Variants in MCC observed in about 807,000 individuals in gnomAD.
The protein encoded by MCC is MCC regulator of Wnt signaling pathway.
In MCC, 90 loss-of-function variants were observed where a neutral mutation model predicts 116.2. That is an observed-to-expected ratio of 0.77 (90% confidence interval 0.65 to 0.92). MCC has a LOEUF of 0.92. Ranked by LOEUF, MCC falls within the 40% of genes least tolerant of loss-of-function variation. The probability of loss-of-function intolerance (pLI) is 0.00; values close to 1 mark genes in which losing one functional copy is unlikely to be tolerated. For missense variants in MCC, 1,516 were observed against 1,312.2 expected, an observed-to-expected ratio of 1.16 and a Z score of -2.40; for synonymous variants, 578 against 510.5, an observed-to-expected ratio of 1.13 and a Z score of -1.78.
chr5:113,066,190 A>G (rs1034103147), intron 13 of MCC, among the ~76,000 whole-genome samples: 7 of 152,328 alleles, frequency 4.6e-5, no homozygotes, highest in African/African-American at 1.7e-4. Context: ...CTCCTACACC[A>G]AATAACTGCA....
At chr5:113,132,727 A>G (rs1758538075) in intron 5 of MCC, among the ~76,000 whole-genome samples, 1 of 152,134 alleles carries the variant, frequency 6.6e-6, no homozygotes, top group Non-Finnish European at 1.5e-5. Context: ...GGGTTGTTCT[A>G]ATCTGCTAAC....
chr5:113,143,670 G>A (rs1759323650), intron 4 of MCC, among the ~76,000 whole-genome samples: 1 of 152,176 alleles, frequency 6.6e-6, no homozygotes, highest in Non-Finnish European at 1.5e-5. Flanking sequence ...CCAAGAAACA[G>A]GCAAGTGGTC....
intron 2 of MCC, among the ~76,000 whole-genome samples, chr5:113,349,356 G>A (rs1174738750): frequency 6.6e-6 from 1 of 152,004 alleles, no homozygotes; most frequent in African/African-American, 2.4e-5. Flanking sequence ...TCATGACAAA[G>A]TGGGATTTAT....
chr5:113,068,041 G>A (rs1186964666), intron 13 of MCC, 39 bp downstream of exon 13: 3 of 1,527,322 alleles, frequency 2.0e-6, no homozygotes, highest in Non-Finnish European at 2.7e-6. Context: ...AAGGAGGCAG[G>A]GAGACAAGAG....
intron 11 of MCC, among the ~76,000 whole-genome samples, chr5:113,075,311 G>A (rs1368454684): frequency 1.3e-5 from 2 of 152,216 alleles, no homozygotes; most frequent in Non-Finnish European, 2.9e-5. Context: ...CCATGCCCGA[G>A]CCCCCCTCAC....
intron 3 of MCC, among the ~76,000 whole-genome samples, chr5:113,231,704 T>C (rs184685251): frequency 8.5e-5 from 13 of 152,356 alleles, no homozygotes; most frequent in African/African-American, 2.9e-4. Flanking sequence ...GTCTCTAAGA[T>C]AGTCGTGATT....
chr5:113,141,141 T>C (rs1217307841), intron 5 of MCC, among the ~76,000 whole-genome samples: 1 of 152,220 alleles, frequency 6.6e-6, no homozygotes, highest in Non-Finnish European at 1.5e-5. Flanking sequence ...GGAGGTAGAA[T>C]ACTTTTCTCC....
At chr5:113,281,848 T>C (rs1766058430) in intron 3 of MCC, among the ~76,000 whole-genome samples, 1 of 152,228 alleles carries the variant, frequency 6.6e-6, no homozygotes, top group African/African-American at 2.4e-5. Context: ...CTCACAAATA[T>C]AGCTACTAAT....
At chr5:113,151,909 G>A (rs1351156383) in intron 3 of MCC, among the ~76,000 whole-genome samples, 8 of 151,992 alleles carry the variant, frequency 5.3e-5, no homozygotes, top group East Asian at 1.9e-4. Context: ...GCATTAAGGG[G>A]AAAAAAGCAG....
chr5:113,034,691 C>T (rs1017107712), intron 17 of MCC, among the ~76,000 whole-genome samples: 4 of 152,256 alleles, frequency 2.6e-5, no homozygotes, highest in Non-Finnish European at 5.9e-5. Context: ...CTCTCATCCT[C>T]ACCTTCCATT....
intron 1 of MCC, among the ~76,000 whole-genome samples, chr5:113,439,593 G>C (rs116045294): frequency 5.3e-5 from 8 of 152,296 alleles, no homozygotes; most frequent in South Asian, 4.1e-4. Context: ...ATGGCCAGTC[G>C]TAAGTTTTCT....
At chr5:113,427,788 A>G (rs540390556) in intron 1 of MCC, among the ~76,000 whole-genome samples, 7 of 152,238 alleles carry the variant, frequency 4.6e-5, no homozygotes, top group Non-Finnish European at 1.0e-4. Context: ...TTGTTATTAA[A>G]TGAGTTCATT....
At chr5:113,236,009 T>C (rs1489236379) in intron 3 of MCC, among the ~76,000 whole-genome samples, 1 of 152,216 alleles carries the variant, frequency 6.6e-6, no homozygotes, top group Admixed American at 6.5e-5. Flanking sequence ...TTCCTTGGTC[T>C]TCTAACCTAG....
At chr5:113,352,848 C>T (rs1768311002) in intron 2 of MCC, among the ~76,000 whole-genome samples, 1 of 152,132 alleles carries the variant, frequency 6.6e-6, no homozygotes, top group African/African-American at 2.4e-5. Flanking sequence ...TTTGTAAATA[C>T]ATCATCAGGT....
chr5:113,313,794 CTCTG>C (rs1225647948), intron 3 of MCC, among the ~76,000 whole-genome samples: 40 of 151,364 alleles, frequency 2.6e-4, no homozygotes, highest in Admixed American at 8.5e-4. Flanking sequence ...TTCTCTCTCT[CTCTG>C]TCTGTTTTTT....
At chr5:113,391,993 T>C (rs1769414364) in intron 1 of MCC, among the ~76,000 whole-genome samples, 1 of 152,202 alleles carries the variant, frequency 6.6e-6, no homozygotes, top group East Asian at 1.9e-4. Context: ...AGATTATTAA[T>C]GTAATTTGAG....
At chr5:113,120,806 C>A (rs191494309) in intron 6 of MCC, among the ~76,000 whole-genome samples, 91 of 152,328 alleles carry the variant, frequency 6.0e-4, no homozygotes, top group African/African-American at 2.1e-3. Context: ...TGATGTCTCC[C>A]AGCTGCTTTT....
At chr5:113,123,690 C>A (rs1052365861) in intron 5 of MCC, among the ~76,000 whole-genome samples, 1 of 152,184 alleles carries the variant, frequency 6.6e-6, no homozygotes, top group Non-Finnish European at 1.5e-5. Context: ...CATCACCACA[C>A]ATACACTGGA....
At chr5:113,311,739 G>A (rs1482661001) in intron 3 of MCC, among the ~76,000 whole-genome samples, 1 of 152,160 alleles carries the variant, frequency 6.6e-6, no homozygotes, top group Non-Finnish European at 1.5e-5. Flanking sequence ...TTGGGAGGCT[G>A]AGGCGGGTGG....
Sources: allele counts gnomAD v4.1 joint callset (sites outside exome capture counted in the v4.1 genomes callset), GRCh38; gene constraint gnomAD v4.1.1; transcripts MANE v1.5; gene names NCBI Gene and HGNC (gene_info 2026-07-23, HGNC 2026-07-21).